Variants in RASGRF1 observed in about 807,000 individuals in gnomAD.
RASGRF1 encodes ras-specific guanine nucleotide-releasing factor 1.
In RASGRF1, 40 loss-of-function variants were observed where a neutral mutation model predicts 138.7. That is an observed-to-expected ratio of 0.29 (90% CI 0.22 to 0.38). The LOEUF (loss-of-function observed/expected upper bound fraction) is 0.38. Among genes scored for constraint, RASGRF1 ranks in the 10% least tolerant of loss-of-function variants. The pLI is 1.00. For missense variants in RASGRF1, 1,108 were observed against 1,650.4 expected, an observed-to-expected ratio of 0.67 and a Z score of 5.69; for synonymous variants, 614 against 663.2, an observed-to-expected ratio of 0.93 and a Z score of 1.14.
chr15:79,065,056 T>C (rs921311318), intron 1 of RASGRF1, among the ~76,000 whole-genome samples: 1 of 152,170 alleles, frequency 6.6e-6, no homozygotes, highest in African/African-American at 2.4e-5. Flanking sequence ...GCCCTGCCCC[T>C]TAAGGACTCA....
chr15:79,041,356 C>T lies in RASGRF1; in HGVS notation c.878+5390G>A, dbSNP rs72732659. Among the ~76,000 whole-genome samples, 451 of 152,346 alleles carry T rather than the reference C, an allele frequency of 3.0e-3. 1 individual carries two copies. Among genetic ancestry groups the T allele is most frequent in the Middle Eastern group, 6.8e-3 (2 of 294 alleles). ...GGTGCTCCCAGAATTGTGCAGTGCACAGCTGGTGCAGCTGTAATCTATGGC... is the reference window on the plus strand; with the variant it reads ...GGTGCTCCCAGAATTGTGCAGTGCATAGCTGGTGCAGCTGTAATCTATGGC... On this transcript the variant is annotated intron_variant, in intron 5 of 26. Coordinates refer to ENST00000558480, the MANE Select transcript of RASGRF1 (RefSeq NM_001145648.3).
intron 3 of RASGRF1, among the ~76,000 whole-genome samples, chr15:79,053,390 A>T (rs142374877): frequency 2.1e-3 from 315 of 152,346 alleles, no homozygotes; most frequent in African/African-American, 6.9e-3. Context: ...AAAATATTAC[A>T]GCCACCTGCA....
intron 2 of RASGRF1, among the ~76,000 whole-genome samples, chr15:79,063,057 C>T (rs983435088): frequency 1.3e-5 from 2 of 152,150 alleles, no homozygotes; most frequent in African/African-American, 2.4e-5. Context: ...TTCCAGCTTC[C>T]CCAGATTCTC....
intron 26 of RASGRF1, among the ~76,000 whole-genome samples, chr15:78,967,238 G>A (rs547929866): frequency 6.6e-6 from 1 of 151,878 alleles, no homozygotes; most frequent in Non-Finnish European, 1.5e-5. Flanking sequence ...GTGAGACCCT[G>A]CCTCAAACAA....
At chr15:79,065,806 G>A (rs2057672376) in intron 1 of RASGRF1, among the ~76,000 whole-genome samples, 1 of 152,048 alleles carries the variant, frequency 6.6e-6, no homozygotes, top group Non-Finnish European at 1.5e-5. Context: ...GTGGCAGGGA[G>A]CAGCAGCACA....
At chr15:79,059,422 CCCTA>C (rs2057566117) in intron 2 of RASGRF1, among the ~76,000 whole-genome samples, 31 of 135,266 alleles carry the variant, frequency 2.3e-4, no homozygotes, top group Non-Finnish European at 2.7e-4. Flanking sequence ...CCCTTCCCTT[CCCTA>C]TCCTCCCTTA....
chr15:79,019,754 G>A (rs899438259), intron 11 of RASGRF1, among the ~76,000 whole-genome samples: 4 of 152,228 alleles, frequency 2.6e-5, no homozygotes, highest in African/African-American at 7.2e-5. Context: ...AGCTTGGAAC[G>A]AACCAGGAAG....
intron 1 of RASGRF1, among the ~76,000 whole-genome samples, chr15:79,075,023 A>T (rs1429210440): frequency 1.3e-5 from 2 of 152,192 alleles, no homozygotes; most frequent in Non-Finnish European, 1.5e-5. Context: ...AAGTGCATGG[A>T]TGGAGCCTGG....
chr15:79,090,330 C>G lies in RASGRF1; in HGVS notation c.169G>C (p.Asp57His). 1 of 1,613,930 alleles carries G rather than the reference C, an allele frequency of 6.2e-7. No homozygotes were observed. The highest frequency in any genetic ancestry group is 1.1e-5 in the South Asian group (1 of 91,084). The change falls in exon 1 of 27, where the codon GAC becomes CAC. Residue 57 changes from aspartate to histidine, a missense_variant. Around this residue, in one of 3 missense-constraint regions of RASGRF1, gnomAD observed 253 missense variants for 329.5 expected, o/e 0.77. Transcript: ENST00000558480. ...AGCCCCGAGGGCCGCGAGCTCGAGTCGCTCTCGAAGTAGAAGAGCAGGTTC... is the reference window on the plus strand; with the variant it reads ...AGCCCCGAGGGCCGCGAGCTCGAGTGGCTCTCGAAGTAGAAGAGCAGGTTC... ...LQNLLFYFES[D>H]SSSRPSGLYL...
At chr15:79,025,201 C>T (rs971450007) in intron 10 of RASGRF1, 113 bp downstream of exon 10, 3 of 1,234,374 alleles carry the variant, frequency 2.4e-6, no homozygotes, top group African/African-American at 3.0e-5. Flanking sequence ...TGTGTGCATG[C>T]ACACGTCTCT....
At chr15:78,982,066 C>A (rs970010283) in intron 23 of RASGRF1, among the ~76,000 whole-genome samples, 1 of 152,204 alleles carries the variant, frequency 6.6e-6, no homozygotes, top group African/African-American at 2.4e-5. Flanking sequence ...TGTCACCTAT[C>A]CCTGGCATGC....
At chr15:79,028,935 A>G (rs1331935178) in intron 8 of RASGRF1, among the ~76,000 whole-genome samples, 1 of 152,244 alleles carries the variant, frequency 6.6e-6, no homozygotes, top group Non-Finnish European at 1.5e-5. Context: ...AATCCCTCTG[A>G]TCCTTAGTTT....
At chr15:78,975,406 G>A (rs56157305) in intron 24 of RASGRF1, among the ~76,000 whole-genome samples, 21,392 of 80,380 alleles carry the variant, frequency 0.27, 1,669 homozygotes, top group African/African-American at 0.46. Context: ...AAAAAAAAAA[G>A]AAAAGAGTAA....
At chr15:79,010,499 C>T (rs1220107040) in intron 13 of RASGRF1, among the ~76,000 whole-genome samples, 1 of 152,188 alleles carries the variant, frequency 6.6e-6, no homozygotes, top group Non-Finnish European at 1.5e-5. Context: ...CTGCCAGGGG[C>T]TCTGGATGGG....
intron 26 of RASGRF1, 116 bp from the exon 27 acceptor site, chr15:78,962,352 C>A: frequency 2.9e-6 from 2 of 695,886 alleles, no homozygotes; most frequent in South Asian, 1.9e-5. Context: ...GTCAGGTGGG[C>A]ATATGAGGCA....
At chr15:78,997,953 C>A in intron 19 of RASGRF1, 143 bp downstream of exon 19, 1 of 676,912 alleles carries the variant, frequency 1.5e-6, no homozygotes, top group Admixed American at 2.4e-5. Context: ...GAGCTCACCT[C>A]TACCCCAGCA....
intron 19 of RASGRF1, 32 bp downstream of exon 19, chr15:78,998,064 G>C: frequency 6.4e-7 from 1 of 1,573,398 alleles, no homozygotes; most frequent in Non-Finnish European, 8.7e-7. Flanking sequence ...CCAGCAGGCA[G>C]TTCTGAGCCA....
chr15:78,995,590 A>G (rs1452041939), intron 20 of RASGRF1, 150 bp downstream of exon 20: 2 of 951,136 alleles, frequency 2.1e-6, no homozygotes, highest in East Asian at 4.9e-5. Flanking sequence ...CGCTCAGCCC[A>G]TTCCTGTTGT....
intron 13 of RASGRF1, chr15:79,012,510 G>C (rs1156326787): frequency 6.2e-7 from 1 of 1,611,962 alleles, no homozygotes; most frequent in Non-Finnish European, 8.5e-7. Flanking sequence ...TGCTTCCCTG[G>C]TCCCCTCCCT....
Sources: gnomAD v4.1 joint callset for allele counts (sites outside exome capture counted in the v4.1 genomes callset) on GRCh38, gnomAD v4.1.1 for gene constraint, gnomAD v4.1.1 regional missense constraint, MANE v1.5 for transcripts, NCBI Gene and HGNC (gene_info 2026-07-23, HGNC 2026-07-21) for gene names.